LRAT: variants seen among roughly 807,000 people sequenced by gnomAD.
LRAT encodes lecithin retinol acyltransferase.
LRAT carries 11 observed loss-of-function variants against 14.2 expected under a neutral mutation model. The observed-to-expected ratio is 0.78, with a 90% CI of 0.49 to 1.29. The LOEUF is 1.29. Among genes scored for constraint, LRAT ranks in the 50% most tolerant of loss-of-function variants. The probability of loss-of-function intolerance (pLI) is 0.00; values close to 1 mark genes in which losing one functional copy is unlikely to be tolerated. For synonymous variants in LRAT, 144 were observed against 124.8 expected (o/e 1.15, Z -1.03); for missense variants, 274 against 292.4 (o/e 0.94, Z 0.46).
chr4:154,748,851 T>C (rs1192642130), intron 2 of LRAT, 133 bp from the exon 3 acceptor site: 1 of 819,924 alleles, frequency 1.2e-6, no homozygotes, highest in East Asian at 2.6e-5. Context: ...TAAATTTTTT[T>C]GTAAGTCATA....
intron 2 of LRAT, among the ~76,000 whole-genome samples, chr4:154,748,619 A>G (rs1270782139): frequency 6.6e-6 from 1 of 152,124 alleles, no homozygotes; most frequent in African/African-American, 2.4e-5. Flanking sequence ...ATTTTTACTC[A>G]AGATTAGAGA....
At chr4:154,744,946 G>C (rs1447981312) in intron 2 of LRAT, 80 bp downstream of exon 2, 34 of 1,334,952 alleles carry the variant, frequency 2.5e-5, no homozygotes, top group Non-Finnish European at 3.6e-5. Flanking sequence ...TTCCCCGCGA[G>C]TAGGGATCTA....
rs985922881 is a variant in LRAT at position 154,751,765 on chromosome 4, G to GA, written c.*2631dup. 1.4e-5 allele frequency: 1 copy of GA among 69,616 alleles called. No homozygotes were observed. Among genetic ancestry groups the GA allele is most frequent in the Non-Finnish European group, 3.0e-5 (1 of 33,546 alleles). 4.3% of individuals were successfully genotyped at this position (69,616 alleles called of 1,614,324 possible). On this transcript the variant is annotated 3_prime_UTR_variant, in exon 3 of 3. Transcript: ENST00000336356. ...AAAAAAAAAAAAAAAAAAAAAAAAA[G>GA]AAGAAGAAACCCTGAGCCATTAATG...
chr4:154,750,798 C>T lies in LRAT; in HGVS notation c.*1662C>T, dbSNP rs143245209. 1 of 152,220 alleles carries T rather than the reference C, an allele frequency of 6.6e-6. No individual in the cohort carries two copies. The highest frequency in any genetic ancestry group is 1.9e-4 in the East Asian group (1 of 5,184). 9.4% of individuals were successfully genotyped at this position (152,220 alleles called of 1,614,324 possible). ...GAGAACTACCGTGTTAGTGGTTTTT[C>T]ACTTACTGTATATTACCCTTGTAGG... On this transcript the variant is annotated 3_prime_UTR_variant, in exon 3 of 3. Transcript: ENST00000336356.
At chr4:154,742,894 C>T (rs1229417876), upstream of LRAT, among the ~76,000 whole-genome samples, 1 of 151,938 alleles carries the variant, frequency 6.6e-6, no homozygotes, top group Non-Finnish European at 1.5e-5. Context: ...TAAAGGGAGG[C>T]GGACAAAGTT....
At chr4:154,745,200 T>C (rs1732863682) in intron 2 of LRAT, among the ~76,000 whole-genome samples, 2 of 151,720 alleles carry the variant, frequency 1.3e-5, no homozygotes, top group African/African-American at 4.8e-5. Context: ...TTTTTGTATT[T>C]TTAGTAGAGA....
In LRAT at chr4:154,744,613, G is replaced by A; in HGVS notation, c.287G>A (p.Arg96His). The A allele has an allele frequency of 6.2e-7, 1 of 1,614,168 alleles. No individual in the cohort carries two copies. The highest frequency in any genetic ancestry group is 1.7e-5 in the Admixed American group (1 of 60,024). ...ACGCAGAAGGTGGTCTCCAACAAGC[G>A]TCTCATCCTGGGCGTTATTGTCAAA... Reference protein sequence around the residue: ...GRTQKVVSNKRLILGVIVKVA... With the variant: ...GRTQKVVSNKHLILGVIVKVA... The change falls in exon 2 of 3, where the codon CGT becomes CAT. Residue 96 changes from arginine to histidine, a missense_variant. Coordinates refer to ENST00000336356, the MANE Select transcript of LRAT (RefSeq NM_004744.5).
chr4:154,744,246 G>A (rs1732827739), intron 1 of LRAT, 24 bp downstream of exon 1: 3 of 1,461,326 alleles, frequency 2.1e-6, no homozygotes, highest in Non-Finnish European at 2.9e-6. Flanking sequence ...CAGCACCCCT[G>A]CCCGGCGAGC....
chr4:154,744,601 T>A lies in LRAT; in HGVS notation c.275T>A (p.Val92Asp). Reference protein sequence around the residue: ...TDDMGRTQKVVSNKRLILGVI... With the variant: ...TDDMGRTQKVDSNKRLILGVI... Reference sequence around the variant, plus strand: ...GACATGGGGCGCACGCAGAAGGTGGTCTCCAACAAGCGTCTCATCCTGGGC... The same window carrying A: ...GACATGGGGCGCACGCAGAAGGTGGACTCCAACAAGCGTCTCATCCTGGGC... Residue 92 changes from valine to aspartate, a missense_variant, in exon 2 of 3, where the codon GTC becomes GAC. Transcript: ENST00000336356. 6.2e-7 allele frequency: 1 copy of A among 1,613,928 alleles called. No homozygotes were observed. The highest frequency in any genetic ancestry group is 8.5e-7 in the Non-Finnish European group (1 of 1,179,986).
upstream of LRAT, among the ~76,000 whole-genome samples, chr4:154,741,073 T>TA (rs1440366583): frequency 1.9e-4 from 29 of 152,086 alleles, no homozygotes; most frequent in Admixed American, 1.9e-3. Context: ...AACGTATTTT[T>TA]ATGAAGTGTG....
In LRAT at chr4:154,749,952, C is replaced by G. The variant is rs1732957656; in HGVS notation, c.*816C>G. 6.6e-6 allele frequency: 1 copy of G among 152,102 alleles called. No individual in the cohort carries two copies. Among genetic ancestry groups the G allele is most frequent in the Non-Finnish European group, 1.5e-5 (1 of 68,004 alleles). The allele number at this position is 152,102 out of a possible 1,614,324, so 9.4% of individuals were successfully genotyped here. ...TGTGTGAAATAAATATGTAGATAGT[C>G]ACATATACACAGACTGAGAGATAAA... On this transcript the variant is annotated 3_prime_UTR_variant, in exon 3 of 3. Coordinates refer to ENST00000336356, the MANE Select transcript of LRAT (RefSeq NM_004744.5).
intron 2 of LRAT, among the ~76,000 whole-genome samples, chr4:154,747,700 A>G (rs1424235591): frequency 6.6e-6 from 1 of 152,210 alleles, no homozygotes; most frequent in Non-Finnish European, 1.5e-5. Flanking sequence ...AGTCATTTAC[A>G]AAAATATGTC....
chr4:154,751,392 G>GTTTGTTGTGCTGAGT lies in LRAT; in HGVS notation c.*2258_*2259insTGTTGTGCTGAGTTT, dbSNP rs372786858. 16,547 of 152,156 alleles carry GTTTGTTGTGCTGAGT rather than the reference G, an allele frequency of 0.11. 1,262 individuals are homozygous for GTTTGTTGTGCTGAGT. The highest frequency in any genetic ancestry group is 0.27 in the Admixed American group (4,095 of 15,282). 9.4% of individuals were successfully genotyped at this position (152,156 alleles called of 1,614,324 possible). A position where few individuals can be genotyped will look rare whatever the true frequency, so the allele number is the denominator to read the frequency against. On this transcript the variant is annotated 3_prime_UTR_variant, in exon 3 of 3. Coordinates refer to ENST00000336356, the MANE Select transcript of LRAT (RefSeq NM_004744.5). ...TGTTTTGTTGTGCTGAGTTTGATTAGTTGCTTAACCAAGTAGAAAGAAAAG... is the reference window on the plus strand; with the variant it reads ...TGTTTTGTTGTGCTGAGTTTGATTAGTTTGTTGTGCTGAGTTTGCTTAACCAAGTAGAAAGAAAAG...
upstream of LRAT, among the ~76,000 whole-genome samples, chr4:154,741,547 A>G (rs191122813): frequency 1.3e-5 from 2 of 152,342 alleles, no homozygotes; most frequent in East Asian, 3.9e-4. Flanking sequence ...TTTCCATGGC[A>G]GCAGAGTATC....
At position 154,752,181 on chromosome 4, in the gene LRAT, A is replaced by T. The variant is rs983295275; in HGVS notation, c.*3045A>T. On this transcript the variant is annotated 3_prime_UTR_variant, in exon 3 of 3. Transcript: ENST00000336356. ...GAGACAGACAGATATGACCAAATTTATACAAACCATGTACCAACACTTGAA... is the reference window on the plus strand; with the variant it reads ...GAGACAGACAGATATGACCAAATTTTTACAAACCATGTACCAACACTTGAA... 1.1e-4 allele frequency: 17 copies of T among 152,232 alleles called. No homozygotes were observed. The highest frequency in any genetic ancestry group is 4.1e-4 in the African/African-American group (17 of 41,466). 9.4% of individuals were successfully genotyped at this position (152,232 alleles called of 1,614,324 possible).
chr4:154,743,444 A>G (rs989717619), upstream of LRAT, among the ~76,000 whole-genome samples: 1 of 152,118 alleles, frequency 6.6e-6, no homozygotes, highest in Non-Finnish European at 1.5e-5. Context: ...CAGTGAGCCC[A>G]GATCGCGCCA....
At chr4:154,745,120 G>A (rs1732860838) in intron 2 of LRAT, among the ~76,000 whole-genome samples, 1 of 133,570 alleles carries the variant, frequency 7.5e-6, no homozygotes, top group Non-Finnish European at 1.5e-5. Context: ...CAGAGTTCAC[G>A]CCATTCTCCT....
At chr4:154,741,951 T>A (rs1487033189), upstream of LRAT, among the ~76,000 whole-genome samples, 1 of 152,142 alleles carries the variant, frequency 6.6e-6, no homozygotes, top group Non-Finnish European at 1.5e-5. Context: ...CCGTTAATTA[T>A]CACGTTTCCT....
rs967057353 is a variant in LRAT, at chr4:154,753,085, T to C, written c.*3949T>C. Reference sequence around the variant, plus strand: ...AGCTAAGCTAATTTTATATTTGGTATACATGCATGTCAAATAAAGTTAATT... The same window carrying C: ...AGCTAAGCTAATTTTATATTTGGTACACATGCATGTCAAATAAAGTTAATT... On this transcript the variant is annotated 3_prime_UTR_variant, in exon 3 of 3. Transcript: ENST00000336356. 2.6e-5 allele frequency: 4 copies of C among 152,344 alleles called. No individual in the cohort carries two copies. The highest frequency in any genetic ancestry group is 2.6e-4 in the Admixed American group (4 of 15,302). 9.4% of individuals were successfully genotyped at this position (152,344 alleles called of 1,614,324 possible).
Sources: allele counts gnomAD v4.1 joint callset (sites outside exome capture counted in the v4.1 genomes callset), GRCh38; gene constraint gnomAD v4.1.1; transcripts MANE v1.5; gene names NCBI Gene and HGNC (gene_info 2026-07-23, HGNC 2026-07-21).